RFC5: variants seen among roughly 807,000 people sequenced by gnomAD.
RFC5 encodes A1 36 kDa subunit.
RFC5 carries 26 observed loss-of-function variants against 44.3 expected under a neutral mutation model. The ratio of observed to expected loss-of-function variants is 0.59; its 90% CI spans 0.43 to 0.81. The LOEUF (loss-of-function observed/expected upper bound fraction) is 0.81, where lower values mean the gene tolerates loss of function less well. Among genes scored for constraint, RFC5 ranks in the 40% least tolerant of loss-of-function variants. The pLI is 0.00. For missense variants in RFC5, 328 were observed against 418.6 expected, an observed-to-expected ratio of 0.78 and a Z score of 1.89; for synonymous variants, 155 against 155.2, an observed-to-expected ratio of 1.00 and a Z score of 0.01.
intron 9 of RFC5, 59 bp downstream of exon 9, chr12:118,028,089 A>G (rs1388928248): frequency 4.7e-6 from 5 of 1,061,668 alleles, no homozygotes; most frequent in Non-Finnish European, 7.3e-6. Flanking sequence ...CTTTGGGGTT[A>G]AGGATGGTTA....
downstream of RFC5, chr12:118,036,275 A>G (rs1196152417): frequency 6.4e-7 from 1 of 1,557,024 alleles, no homozygotes; most frequent in Non-Finnish European, 8.8e-7. Context: ...GACATGTCTA[A>G]TCCCAGGCAG....
In RFC5 at chr12:118,025,393, C is replaced by T. The variant is rs181108715; in HGVS notation, c.582-354C>T. 2.1e-4 allele frequency: 66 copies of T among 317,136 alleles called. 1 individual carries two copies. The Middle Eastern group carries it at 8.5e-3, about 41-fold the overall frequency. 19.6% of individuals were successfully genotyped at this position (317,136 alleles called of 1,614,324 possible). ...TGTAGTCAGATGCCAAGCAAGTAGC[C>T]GACCTGAGCAGCTGCTTGTTGTGAA... On this transcript the variant is annotated intron_variant, in intron 6 of 10. Coordinates refer to ENST00000454402, the MANE Select transcript of RFC5 (RefSeq NM_007370.7).
At chr12:118,035,190 T>C (rs1444127118), downstream of RFC5, 33 of 1,613,626 alleles carry the variant, frequency 2.0e-5, no homozygotes, top group Non-Finnish European at 2.4e-5. Flanking sequence ...TCTGAGGCCA[T>C]GTAAAGAGAG....
chr12:118,024,777 A>T (rs1462108690), intron 5 of RFC5, 74 bp from the exon 6 acceptor site: 1 of 1,338,046 alleles, frequency 7.5e-7, no homozygotes, highest in East Asian at 2.3e-5. Context: ...ACCACAGAAA[A>T]ATTCAAGTTT....
chr12:118,034,016 C>A (rs536970955), downstream of RFC5: 19 of 800,578 alleles, frequency 2.4e-5, no homozygotes, highest in Admixed American at 4.8e-4. Context: ...CTGACTTTCA[C>A]ATGCCAGGGA....
At chr12:118,034,737 A>C (rs1220858725), downstream of RFC5, 1 of 539,766 alleles carries the variant, frequency 1.9e-6, no homozygotes, top group African/African-American at 1.9e-5. Flanking sequence ...TCTCAATTTT[A>C]TTCTCCCTTG....
chr12:118,038,430 A>C, the RFC5 span: 2 of 1,584,234 alleles, frequency 1.3e-6, no homozygotes, highest in South Asian at 1.1e-5. Context: ...GTCCTCAACA[A>C]AGCAGGAAGA....
intron 1 of RFC5, 25 bp downstream of exon 1, chr12:118,016,917 G>T (rs1241424298): frequency 6.2e-7 from 1 of 1,603,676 alleles, no homozygotes; most frequent in Non-Finnish European, 8.5e-7. Flanking sequence ...AGCGGCGGCG[G>T]TGGGCAGAGG....
At chr12:118,026,071 G>T (rs2030922027) in intron 7 of RFC5, among the ~76,000 whole-genome samples, 1 of 152,034 alleles carries the variant, frequency 6.6e-6, no homozygotes, top group Non-Finnish European at 1.5e-5. Flanking sequence ...TCGAACTCCT[G>T]ACCTCAAATG....
At chr12:118,032,930 T>A (rs1207808161), downstream of RFC5, 2 of 152,158 alleles carry the variant, frequency 1.3e-5, no homozygotes, top group Non-Finnish European at 2.9e-5. Flanking sequence ...GTTTTTTTCT[T>A]TTCTTCAATG....
chr12:118,024,208 G>A (rs2030767384), intron 5 of RFC5, among the ~76,000 whole-genome samples: 1 of 151,980 alleles, frequency 6.6e-6, no homozygotes, highest in South Asian at 2.1e-4. Context: ...GGGCGTGGTG[G>A]CACGTGTCTG....
Position 118,016,926 on chromosome 12 carries a change from G to A in RFC5, c.65+34G>A, listed in dbSNP as rs779934161. ...AGGCCGAGCGGCGGCGGTGGGCAGA[G>A]GGGGCCAGGCGGCCGCGCGGGGAGG... On this transcript the variant is annotated intron_variant, in intron 1 of 10. Transcript: ENST00000454402. The A allele has an allele frequency of 5.0e-6, 8 of 1,589,608 alleles. No homozygotes were observed. In the Admixed American group the frequency reaches 1.3e-4, roughly 27 times the overall value.
intron 4 of RFC5, 139 bp downstream of exon 4, chr12:118,021,124 G>A: frequency 3.5e-6 from 2 of 574,676 alleles, no homozygotes; most frequent in Non-Finnish European, 3.1e-6. Flanking sequence ...ATGGAAAAGA[G>A]ATAAACGAGA....
At chr12:118,035,347 G>T, downstream of RFC5, 1 of 1,607,150 alleles carries the variant, frequency 6.2e-7, no homozygotes, top group Non-Finnish European at 8.5e-7. Flanking sequence ...GAAACAGGAT[G>T]GCAGGCCTGG....
downstream of RFC5, chr12:118,034,404 A>G: frequency 6.2e-7 from 1 of 1,600,298 alleles, no homozygotes; most frequent in South Asian, 1.1e-5. Context: ...TTGGATGTTC[A>G]TGTTTTCATG....
the RFC5 span, among the ~76,000 whole-genome samples, chr12:118,039,860 C>T: frequency 6.6e-6 from 1 of 151,928 alleles, no homozygotes; most frequent in Non-Finnish European, 1.5e-5. Flanking sequence ...TCTCCTGCCT[C>T]AGCCTCCCGA....
At chr12:118,034,918 T>C (rs1351970104), downstream of RFC5, 32 of 1,461,756 alleles carry the variant, frequency 2.2e-5, no homozygotes, top group Non-Finnish European at 3.8e-6. Context: ...ATGGTTTCTT[T>C]CCTTAAAAAG....
downstream of RFC5, among the ~76,000 whole-genome samples, chr12:118,037,534 G>A (rs950896288): frequency 6.6e-6 from 1 of 152,070 alleles, no homozygotes; most frequent in Non-Finnish European, 1.5e-5. Flanking sequence ...CAGGCGTGGT[G>A]TAGCACGCCT....
At chr12:118,034,804 A>G (rs796549670), downstream of RFC5, 130 of 611,352 alleles carry the variant, frequency 2.1e-4, 1 homozygote, top group Middle Eastern at 1.3e-3. Flanking sequence ...TTTAGGTTAA[A>G]TATTCAGAGA....
Sources: gnomAD v4.1 joint callset for allele counts (sites outside exome capture counted in the v4.1 genomes callset) on GRCh38, gnomAD v4.1.1 for gene constraint, MANE v1.5 for transcripts, NCBI Gene and HGNC (gene_info 2026-07-23, HGNC 2026-07-21) for gene names.